Variants in GHR observed in about 807,000 individuals in gnomAD.
The protein encoded by GHR is GH receptor.
A neutral mutation model predicts 67.1 loss-of-function variants in GHR; 35 were observed. That is an observed-to-expected ratio of 0.52 (90% confidence interval 0.40 to 0.69). GHR has a LOEUF of 0.69. GHR is among the 30% of genes least tolerant of loss of function. The pLI is 0.00. For synonymous variants in GHR, 272 were observed against 269.1 expected (o/e 1.01, Z -0.10); for missense variants, 792 against 764.6 (o/e 1.04, Z -0.42).
At chr5:42,673,163 C>G (rs190367596) in intron 3 of GHR, among the ~76,000 whole-genome samples, 3 of 152,232 alleles carry the variant, frequency 2.0e-5, no homozygotes, top group African/African-American at 7.2e-5. Context: ...AAAAATGTCT[C>G]ACATCACTAA....
chr5:42,547,106 A>G (rs1748770175), intron 1 of GHR, among the ~76,000 whole-genome samples: 1 of 152,214 alleles, frequency 6.6e-6, no homozygotes, highest in South Asian at 2.1e-4. Flanking sequence ...CAAAATTCTC[A>G]AATCTAGTCA....
chr5:42,541,460 T>G (rs148371130), intron 1 of GHR, among the ~76,000 whole-genome samples: 1 of 151,938 alleles, frequency 6.6e-6, no homozygotes. Flanking sequence ...GAGGCAGAGA[T>G]AGTGGGTGAG....
In GHR at chr5:42,505,886, A is replaced by C. The variant is rs146811083; in HGVS notation, c.-11-59978A>C. ...TTATTTAGTTTTGGTAAGTCACTTA[A>C]CTTTATCATACCATTCATGCATATT... On this transcript the variant is annotated intron_variant, in intron 1 of 9. Transcript: ENST00000230882. Among the ~76,000 whole-genome samples, 582 of 152,292 alleles carry C rather than the reference A, an allele frequency of 3.8e-3. 2 individuals carry two copies. Among genetic ancestry groups the C allele is most frequent in the African/African-American group, 0.013 (522 of 41,548 alleles).
intron 9 of GHR, 102 bp from the exon 10 acceptor site, chr5:42,718,351 G>C: frequency 1.1e-6 from 1 of 911,336 alleles, no homozygotes; most frequent in Non-Finnish European, 1.8e-6. Flanking sequence ...TGTTACTGTT[G>C]TTCTTATTGT....
At chr5:42,541,232 G>A (rs78564946) in intron 1 of GHR, among the ~76,000 whole-genome samples, 3,582 of 152,170 alleles carry the variant, frequency 0.024, 96 homozygotes, top group Admixed American at 0.073. Flanking sequence ...AAAAATAATT[G>A]CCATGGAGAA....
chr5:42,442,606 A>C (rs1390896593), intron 1 of GHR, among the ~76,000 whole-genome samples: 1 of 152,214 alleles, frequency 6.6e-6, no homozygotes, highest in Non-Finnish European at 1.5e-5. Flanking sequence ...ACAAGACAGA[A>C]GTATAGCAGT....
chr5:42,606,603 A>G (rs1236829643), intron 2 of GHR, among the ~76,000 whole-genome samples: 1 of 152,218 alleles, frequency 6.6e-6, no homozygotes, highest in Non-Finnish European at 1.5e-5. Context: ...GCACCAAGCC[A>G]TAAATGAGAG....
chr5:42,586,631 G>T (rs1164826988), intron 2 of GHR, among the ~76,000 whole-genome samples: 2 of 152,176 alleles, frequency 1.3e-5, no homozygotes, highest in Non-Finnish European at 2.9e-5. Context: ...CAGGTGACTT[G>T]CATGAAAGCA....
At chr5:42,565,439 T>C in intron 1 of GHR, 1 of 983,950 alleles carries the variant, frequency 1.0e-6, no homozygotes, top group Non-Finnish European at 1.2e-6. Flanking sequence ...TTACCATGAT[T>C]GTTATGTTTT....
chr5:42,581,729 G>A (rs906727688), intron 2 of GHR, among the ~76,000 whole-genome samples: 4 of 152,316 alleles, frequency 2.6e-5, no homozygotes, highest in Non-Finnish European at 5.9e-5. Flanking sequence ...AGGTGCGGCT[G>A]TGGTTGTGCC....
intron 3 of GHR, among the ~76,000 whole-genome samples, chr5:42,648,583 C>G (rs1162482616): frequency 1.3e-5 from 2 of 152,074 alleles, no homozygotes; most frequent in Non-Finnish European, 2.9e-5. Flanking sequence ...AAACCCCTCC[C>G]CTTCTTTATT....
chr5:42,497,684 C>T (rs1746376642), intron 1 of GHR, among the ~76,000 whole-genome samples: 1 of 152,160 alleles, frequency 6.6e-6, no homozygotes, highest in Non-Finnish European at 1.5e-5. Flanking sequence ...CTATCTGACT[C>T]TTTACAGAAA....
At chr5:42,670,533 A>T (rs1756221616) in intron 3 of GHR, among the ~76,000 whole-genome samples, 2 of 152,214 alleles carry the variant, frequency 1.3e-5, no homozygotes, top group African/African-American at 2.4e-5. Flanking sequence ...ATTGCATCAG[A>T]CTAAAAAACT....
chr5:42,531,778 C>T (rs903866503), intron 1 of GHR, among the ~76,000 whole-genome samples: 2 of 152,064 alleles, frequency 1.3e-5, no homozygotes, highest in African/African-American at 2.4e-5. Flanking sequence ...ATGAAACAAC[C>T]CATTCATTGC....
At chr5:42,571,406 C>T in intron 2 of GHR, among the ~76,000 whole-genome samples, 1 of 152,182 alleles carries the variant, frequency 6.6e-6, no homozygotes, top group Non-Finnish European at 1.5e-5. Flanking sequence ...AGTCTCTGGA[C>T]ATGTGTGACT....
At chr5:42,713,810 G>C (rs1324512765) in intron 8 of GHR, 4 of 334,986 alleles carry the variant, frequency 1.2e-5, no homozygotes, top group Non-Finnish European at 2.3e-5. Context: ...TTATCCAAGA[G>C]CTAGCTCTTT....
intron 2 of GHR, among the ~76,000 whole-genome samples, chr5:42,586,284 T>A (rs965929310): frequency 6.6e-6 from 1 of 152,114 alleles, no homozygotes; most frequent in African/African-American, 2.4e-5. Context: ...TCACTAAAAA[T>A]ATTTAGAAGA....
intron 2 of GHR, among the ~76,000 whole-genome samples, chr5:42,567,554 G>A (rs1226567579): frequency 1.3e-5 from 2 of 151,754 alleles, no homozygotes; most frequent in Admixed American, 6.6e-5. Flanking sequence ...TATCCTACCA[G>A]TACTTACGCA....
chr5:42,546,835 T>C (rs938541114), intron 1 of GHR, among the ~76,000 whole-genome samples: 2 of 151,922 alleles, frequency 1.3e-5, no homozygotes, highest in Non-Finnish European at 2.9e-5. Flanking sequence ...CTAGTAACAG[T>C]AGTGAGGATA....
Sources: allele counts gnomAD v4.1 joint callset (sites outside exome capture counted in the v4.1 genomes callset), GRCh38; gene constraint gnomAD v4.1.1; transcripts MANE v1.5; gene names NCBI Gene and HGNC (gene_info 2026-07-23, HGNC 2026-07-21).